The following APBA1 variants were observed in gnomAD, a reference collection of about 807,000 sequenced individuals.
APBA1 encodes the protein amyloid beta precursor protein binding family A member 1.
APBA1 carries 55 observed loss-of-function variants against 86.6 expected under a neutral mutation model. The ratio of observed to expected loss-of-function variants is 0.64; its 90% CI spans 0.51 to 0.80. The LOEUF is 0.80. APBA1 is among the 30% of genes least tolerant of loss of function. APBA1 has a pLI of 0.00. For synonymous variants in APBA1, 511 were observed against 493.9 expected (o/e 1.03, Z -0.46); for missense variants, 1,090 against 1,183.0 (o/e 0.92, Z 1.15).
intron 11 of APBA1, among the ~76,000 whole-genome samples, chr9:69,434,256 T>C (rs1178325428): frequency 2.0e-5 from 3 of 152,118 alleles, no homozygotes; most frequent in South Asian, 2.1e-4. Flanking sequence ...TCCCAAACTC[T>C]CAAGCTGGCA....
chr9:69,535,575 C>T (rs146984063), intron 1 of APBA1, among the ~76,000 whole-genome samples: 5,562 of 152,210 alleles, frequency 0.037, 134 homozygotes, highest in Middle Eastern at 0.11. Context: ...GTGATCGTTG[C>T]CTCCCTCTGC....
chr9:69,496,075 G>A (rs957663826), intron 2 of APBA1, among the ~76,000 whole-genome samples: 5 of 152,084 alleles, frequency 3.3e-5, no homozygotes, highest in African/African-American at 1.2e-4. Flanking sequence ...ATATATGCTG[G>A]TTCAGACCAG....
At chr9:69,497,691 C>A (rs566185404) in intron 2 of APBA1, among the ~76,000 whole-genome samples, 19 of 152,146 alleles carry the variant, frequency 1.2e-4, no homozygotes, top group Non-Finnish European at 2.8e-4. Context: ...CAGGACAACA[C>A]CTCCTCTTTT....
At chr9:69,541,657 G>T (rs1836616197) in intron 1 of APBA1, among the ~76,000 whole-genome samples, 1 of 151,226 alleles carries the variant, frequency 6.6e-6, no homozygotes, top group Admixed American at 6.6e-5. Context: ...ATTAATGTAT[G>T]TAAAGCAGTT....
intron 1 of APBA1, among the ~76,000 whole-genome samples, chr9:69,540,051 C>T (rs10867756): frequency 0.098 from 14,853 of 151,758 alleles, 887 homozygotes; most frequent in East Asian, 0.29. Flanking sequence ...ACTCGGGAGG[C>T]GGAGGTTGCA....
At chr9:69,564,646 TG>T (rs1369370464) in intron 1 of APBA1, among the ~76,000 whole-genome samples, 15 of 152,338 alleles carry the variant, frequency 9.8e-5, no homozygotes, top group African/African-American at 3.6e-4. Flanking sequence ...CCCATTAGGA[TG>T]GCTATTATCT....
chr9:69,444,074 C>T (rs1419613118), intron 10 of APBA1, among the ~76,000 whole-genome samples: 8 of 152,230 alleles, frequency 5.3e-5, no homozygotes, highest in African/African-American at 1.4e-4. Context: ...ATTTCCCCGC[C>T]GTCAGCATCT....
chr9:69,549,156 C>T (rs900834140), intron 1 of APBA1, among the ~76,000 whole-genome samples: 3 of 152,176 alleles, frequency 2.0e-5, no homozygotes, highest in African/African-American at 7.2e-5. Context: ...AGCGCCAACG[C>T]CAAACAAATC....
chr9:69,658,311 T>TC (rs879521182), intron 1 of APBA1, among the ~76,000 whole-genome samples: 16,661 of 87,604 alleles, frequency 0.19, 2,497 homozygotes, highest in East Asian at 0.23. Context: ...TCTCTCTTTC[T>TC]TTCTTTCTTT....
chr9:69,440,391 C>T (rs866033486), intron 11 of APBA1, among the ~76,000 whole-genome samples: 20 of 152,060 alleles, frequency 1.3e-4, no homozygotes, highest in Middle Eastern at 3.2e-3. Flanking sequence ...GTGGAGCCTA[C>T]AGAGGCAGGC....
chr9:69,629,946 G>A (rs1380956055), intron 1 of APBA1, among the ~76,000 whole-genome samples: 2 of 152,032 alleles, frequency 1.3e-5, no homozygotes, highest in East Asian at 3.9e-4. Context: ...AGCGAACAAA[G>A]CAGATATAGA....
intron 1 of APBA1, among the ~76,000 whole-genome samples, chr9:69,542,767 A>G (rs1184088627): frequency 2.6e-5 from 4 of 152,252 alleles, no homozygotes; most frequent in African/African-American, 9.6e-5. Context: ...TATTCTCAAA[A>G]GTGTCCAAGT....
intron 2 of APBA1, among the ~76,000 whole-genome samples, chr9:69,490,026 G>T (rs1173971049): frequency 6.6e-6 from 1 of 152,030 alleles, no homozygotes; most frequent in African/African-American, 2.4e-5. Context: ...ACATGCACAC[G>T]TATGTTTATT....
chr9:69,538,396 T>C (rs1836547704), intron 1 of APBA1, among the ~76,000 whole-genome samples: 1 of 152,238 alleles, frequency 6.6e-6, no homozygotes, highest in African/African-American at 2.4e-5. Flanking sequence ...CTACTGCATC[T>C]GTAGGTGAAA....
At chr9:69,435,407 A>G (rs1291749571) in intron 11 of APBA1, among the ~76,000 whole-genome samples, 1 of 152,030 alleles carries the variant, frequency 6.6e-6, no homozygotes, top group Non-Finnish European at 1.5e-5. Context: ...TTACAGTCCC[A>G]CCAACAGTGT....
Position 69,516,464 on chromosome 9 carries a change from G to A in APBA1, c.747C>T (p.Pro249=), listed in dbSNP as rs748393562. ...DERSDGESDS[P]EKEAEFAPYP... ...AGGGCGCGAACTCGGCCTCCTTCTC[G>A]GGGCTGTCGGACTCGCCGTCGGAGC... is the stretch of plus-strand genomic sequence containing the variant. Residue 249 remains proline, a synonymous_variant, in exon 2 of 13, where the codon CCC becomes CCT. Transcript: ENST00000265381. The surrounding 1 kb of genome is among the most constrained non-coding windows in gnomAD (Gnocchi z 7.3). The A allele has an allele frequency of 2.5e-6, 4 of 1,602,184 alleles. No homozygotes were observed. The South Asian group carries it at 4.4e-5, about 18-fold the overall frequency.
chr9:69,439,994 T>C (rs1834783508), intron 11 of APBA1, among the ~76,000 whole-genome samples: 1 of 152,236 alleles, frequency 6.6e-6, no homozygotes, highest in South Asian at 2.1e-4. Flanking sequence ...TTAGTTTTCC[T>C]TCTAACAGTC....
At chr9:69,501,063 T>C (rs567352708) in intron 2 of APBA1, among the ~76,000 whole-genome samples, 18 of 152,204 alleles carry the variant, frequency 1.2e-4, no homozygotes, top group South Asian at 8.3e-4. Context: ...TACTCACTTT[T>C]TGGTGTCCCA....
At chr9:69,471,435 G>A (rs769765788) in intron 4 of APBA1, among the ~76,000 whole-genome samples, 3 of 152,178 alleles carry the variant, frequency 2.0e-5, no homozygotes, top group Non-Finnish European at 4.4e-5. Context: ...TCCAATTTCA[G>A]AGTCCTCATC....
Sources: gnomAD v4.1 joint callset for allele counts (sites outside exome capture counted in the v4.1 genomes callset) on GRCh38, gnomAD v4.1.1 for gene constraint, Gnocchi (gnomAD v3.1) non-coding constraint, MANE v1.5 for transcripts, NCBI Gene and HGNC (gene_info 2026-07-23, HGNC 2026-07-21) for gene names.